The following DZIP3 variants were observed in gnomAD, a reference collection of about 807,000 sequenced individuals.
DZIP3 encodes the protein DAZ interacting zinc finger protein 3.
A neutral mutation model predicts 162.0 loss-of-function variants in DZIP3; 118 were observed. The ratio of observed to expected loss-of-function variants is 0.73; its 90% CI spans 0.63 to 0.85. The LOEUF is 0.85. DZIP3 is among the 40% of genes least tolerant of loss of function. The pLI, the probability that DZIP3 is intolerant of heterozygous loss-of-function variation, is 0.00. For missense variants in DZIP3, 1,331 were observed against 1,407.0 expected (o/e 0.95, Z 0.86); for synonymous variants, 438 against 458.6 (o/e 0.96, Z 0.57).
chr3:108,681,535 G>T (rs559172581), intron 26 of DZIP3, among the ~76,000 whole-genome samples: 34 of 152,018 alleles, frequency 2.2e-4, no homozygotes, highest in Non-Finnish European at 3.7e-4. Context: ...TTCCTCAAGG[G>T]TCTAGAACCA....
intron 8 of DZIP3, among the ~76,000 whole-genome samples, chr3:108,631,055 A>ACACACATATACACTCTCTCTCT: frequency 1.1e-4 from 2 of 18,014 alleles, no homozygotes; most frequent in African/African-American, 2.8e-4. Context: ...ACACACACAC[A>ACACACATATACACTCTCTCTCT]CTCTCTCTCT....
At chr3:108,635,087 T>C (rs1428563977) in intron 10 of DZIP3, 115 bp downstream of exon 10, 7 of 584,428 alleles carry the variant, frequency 1.2e-5, no homozygotes, top group Non-Finnish European at 2.1e-5. Context: ...TTTTACTTCC[T>C]CCTTTTTTTC....
chr3:108,656,006 CTGGG>C (rs1224628285), intron 19 of DZIP3, among the ~76,000 whole-genome samples: 2 of 152,246 alleles, frequency 1.3e-5, no homozygotes, highest in Admixed American at 1.3e-4. Flanking sequence ...GAAGCTCAAA[CTGGG>C]TGGAACCCAC....
chr3:108,640,920 T>G (rs1459634763), intron 12 of DZIP3, among the ~76,000 whole-genome samples: 1 of 152,150 alleles, frequency 6.6e-6, no homozygotes, highest in African/African-American at 2.4e-5. Context: ...GTTTTATATA[T>G]ACAATATGAC....
intron 8 of DZIP3, among the ~76,000 whole-genome samples, 188 bp downstream of exon 8, chr3:108,629,364 C>T (rs1941726479): frequency 6.6e-6 from 1 of 152,112 alleles, no homozygotes; most frequent in South Asian, 2.1e-4. Context: ...GCAGTGTTAA[C>T]ATTTTCAAAT....
chr3:108,677,405 G>T, intron 25 of DZIP3, 92 bp from the exon 26 acceptor site: 7 of 982,776 alleles, frequency 7.1e-6, no homozygotes, highest in East Asian at 5.3e-5. Context: ...ACTCTTGTAT[G>T]TTGTATTATT....
chr3:108,665,336 A>G (rs1020023544), intron 21 of DZIP3, among the ~76,000 whole-genome samples: 8 of 152,192 alleles, frequency 5.3e-5, no homozygotes, highest in African/African-American at 1.7e-4. Context: ...AACTTGCTGG[A>G]TATAATCACT....
chr3:108,643,518 G>C lies in DZIP3; in HGVS notation c.1142-646G>C, dbSNP rs939417470. ...TGCTTTCCTAACAGGCTTTCAGGTG[G>C]ATGCTTGATGCTGCTGGTCTCTGGG... is the stretch of plus-strand genomic sequence containing the variant. On this transcript the variant is annotated intron_variant, in intron 13 of 32. Coordinates refer to ENST00000361582, the MANE Select transcript of DZIP3 (RefSeq NM_014648.4). 2.6e-5 allele frequency among the ~76,000 whole-genome samples: 4 copies of C among 151,508 alleles called. No homozygotes were observed. The Admixed American group carries it at 2.6e-4, about 10-fold the overall frequency.
intron 7 of DZIP3, among the ~76,000 whole-genome samples, chr3:108,627,983 A>G (rs1052152601): frequency 3.3e-5 from 5 of 151,814 alleles, no homozygotes; most frequent in African/African-American, 1.2e-4. Context: ...GGTTCAAGGG[A>G]TTCTCCTGCC....
intron 26 of DZIP3, among the ~76,000 whole-genome samples, chr3:108,683,947 T>C (rs1944409033): frequency 6.6e-6 from 1 of 152,218 alleles, no homozygotes; most frequent in Non-Finnish European, 1.5e-5. Context: ...TCCAAGGTTA[T>C]TCAGCTACGT....
chr3:108,658,046 C>T lies in DZIP3; in HGVS notation c.2199+3736C>T, dbSNP rs1247364450. On this transcript the variant is annotated intron_variant, in intron 19 of 32. Transcript: ENST00000361582. ...ACTCCCACACAATAATCATGGGAGA[C>T]TTTAACACCCCACTGTCAACATTAG... is the stretch of plus-strand genomic sequence containing the variant. 3.9e-5 allele frequency among the ~76,000 whole-genome samples: 6 copies of T among 151,960 alleles called. No homozygotes were observed. In the East Asian group the frequency reaches 9.7e-4, roughly 24 times the overall value.
chr3:108,666,468 C>T lies in DZIP3; in HGVS notation c.2424-3213C>T, dbSNP rs571821149. 3.3e-5 allele frequency among the ~76,000 whole-genome samples: 5 copies of T among 152,188 alleles called. No individual in the cohort carries two copies. The East Asian group carries it at 9.7e-4, about 29-fold the overall frequency. ...AATTGAACACTTCAAACTCCACTCTCAATTTATAGTACTACTAAACAGAAA... is the reference window on the plus strand; with the variant it reads ...AATTGAACACTTCAAACTCCACTCTTAATTTATAGTACTACTAAACAGAAA... On this transcript the variant is annotated intron_variant, in intron 21 of 32. Coordinates refer to ENST00000361582, the MANE Select transcript of DZIP3 (RefSeq NM_014648.4).
chr3:108,645,909 A>G (rs902381277), intron 14 of DZIP3, among the ~76,000 whole-genome samples: 4 of 152,214 alleles, frequency 2.6e-5, no homozygotes, highest in African/African-American at 9.6e-5. Flanking sequence ...AGGATTTTAA[A>G]TAATTCATGA....
At chr3:108,690,466 G>A (rs1944651024) in intron 31 of DZIP3, among the ~76,000 whole-genome samples, 1 of 152,160 alleles carries the variant, frequency 6.6e-6, no homozygotes, top group African/African-American at 2.4e-5. Context: ...AATGAGAACA[G>A]TATATAGTAA....
intron 11 of DZIP3, among the ~76,000 whole-genome samples, 173 bp from the exon 12 acceptor site, chr3:108,637,323 G>A (rs550887728): frequency 1.1e-4 from 16 of 151,946 alleles, no homozygotes; most frequent in South Asian, 2.1e-4. Flanking sequence ...ACTCTAGTTC[G>A]TTTTTTTGAT....
At chr3:108,664,648 T>C (rs1943591919) in intron 21 of DZIP3, among the ~76,000 whole-genome samples, 1 of 152,198 alleles carries the variant, frequency 6.6e-6, no homozygotes, top group Non-Finnish European at 1.5e-5. Flanking sequence ...GGTATTCCCT[T>C]TTCCCCCCTT....
chr3:108,611,270 G>A lies in DZIP3; in HGVS notation c.199G>A (p.Gly67Ser), dbSNP rs745923043. 1.9e-6 allele frequency: 3 copies of A among 1,612,620 alleles called. No individual in the cohort carries two copies. Among genetic ancestry groups the A allele is most frequent in the Non-Finnish European group, 8.5e-7 (1 of 1,179,558 alleles). Residue 67 changes from glycine (G) to serine (S), a missense_variant, in exon 4 of 33, where the codon GGT (glycine) becomes AGT (serine). Gly to Ser is a moderately conservative substitution (Grantham distance 56). Coordinates refer to ENST00000361582, the MANE Select transcript of DZIP3 (RefSeq NM_014648.4). The stretch of plus-strand genomic sequence containing the variant: ...AAATGCAATTAATACTCTACCAAAA[G>A]GTGTGGTTCCTCACATTAAGAAGTT... ...LLNAINTLPK[G>S]VVPHIKKFLQ...
At chr3:108,642,992 G>A (rs1176121935) in intron 13 of DZIP3, among the ~76,000 whole-genome samples, 1 of 152,142 alleles carries the variant, frequency 6.6e-6, no homozygotes, top group Non-Finnish European at 1.5e-5. Context: ...AAGGGACCCT[G>A]GGCCCATAGA....
At chr3:108,608,544 C>A (rs562958946) in intron 3 of DZIP3, among the ~76,000 whole-genome samples, 1 of 151,992 alleles carries the variant, frequency 6.6e-6, no homozygotes, top group Non-Finnish European at 1.5e-5. Context: ...TTTACTAAGA[C>A]GTTTGAGTCA....
Sources: allele counts gnomAD v4.1 joint callset (sites outside exome capture counted in the v4.1 genomes callset), GRCh38; gene constraint gnomAD v4.1.1; transcripts MANE v1.5; gene names NCBI Gene and HGNC (gene_info 2026-07-23, HGNC 2026-07-21).